The following TBCD variants were observed in gnomAD, a reference collection of about 807,000 sequenced individuals.
TBCD encodes tubulin-specific chaperone D.
TBCD carries 105 observed loss-of-function variants against 169.3 expected under a neutral mutation model. That is an observed-to-expected ratio of 0.62 (90% confidence interval 0.53 to 0.73). TBCD has a LOEUF of 0.73. Ranked by LOEUF, TBCD falls within the 30% of genes least tolerant of loss-of-function variation. The pLI, the probability that TBCD is intolerant of heterozygous loss-of-function variation, is 0.00. For synonymous variants in TBCD, 700 were observed against 643.9 expected (o/e 1.09, Z -1.32); for missense variants, 1,444 against 1,600.1 (o/e 0.90, Z 1.66).
intron 13 of TBCD, among the ~76,000 whole-genome samples, chr17:82,820,144 A>AT (rs577875808): frequency 1.9e-3 from 289 of 151,934 alleles, no homozygotes; most frequent in African/African-American, 6.2e-3. Flanking sequence ...TGCCCAGCCA[A>AT]TTTTTTTATT....
chr17:82,780,256 C>A (rs932695902), intron 6 of TBCD, among the ~76,000 whole-genome samples: 7 of 152,200 alleles, frequency 4.6e-5, no homozygotes, highest in Admixed American at 4.6e-4. Flanking sequence ...CCGTGGCTTC[C>A]GTCCTCTCTC....
At chr17:82,771,094 C>T (rs953817132) in intron 5 of TBCD, among the ~76,000 whole-genome samples, 8 of 147,024 alleles carry the variant, frequency 5.4e-5, no homozygotes, top group Non-Finnish European at 1.0e-4. Flanking sequence ...AAAAGATCTT[C>T]TAAGTGTATC....
rs2147693542 is a variant in TBCD at position 82,942,536 on chromosome 17, A to C, written c.*73A>C. ...TGTTCCTGAGGGAGGCCGGTGTGGA[A>C]AGCCTCGCACAGTGGTGCCTCCAGC... On this transcript the variant is annotated 3_prime_UTR_variant, in exon 39 of 39. Coordinates refer to ENST00000355528, the MANE Select transcript of TBCD (RefSeq NM_005993.5). 1.2e-5 allele frequency: 19 copies of C among 1,605,354 alleles called. No individual in the cohort carries two copies. The highest frequency in any genetic ancestry group is 1.6e-5 in the Non-Finnish European group (19 of 1,172,806).
intron 9 of TBCD, among the ~76,000 whole-genome samples, chr17:82,805,279 G>A (rs1020066870): frequency 2.6e-5 from 4 of 152,230 alleles, no homozygotes; most frequent in Non-Finnish European, 4.4e-5. Context: ...GCAAGTAGGC[G>A]TAGAGCAGGC....
At position 82,887,194 on chromosome 17, in the gene TBCD, C is replaced by T. The variant is rs74000169; in HGVS notation, c.1534-2474C>T. 8.5e-3 allele frequency among the ~76,000 whole-genome samples: 1,232 copies of T among 145,500 alleles called. 14 individuals carry two copies. Among genetic ancestry groups the T allele is most frequent in the African/African-American group, 0.029 (1,126 of 38,334 alleles). On this transcript the variant is annotated intron_variant, in intron 15 of 38. Transcript: ENST00000355528. ...GCGCGCGCGCGCACGTGCGCTCACG[C>T]GTTTACTTCTGTGTGATTGTATCAC...
chr17:82,916,750 T>G (rs2061064327), intron 23 of TBCD, among the ~76,000 whole-genome samples: 1 of 152,174 alleles, frequency 6.6e-6, no homozygotes, highest in Non-Finnish European at 1.5e-5. Flanking sequence ...TACCGTGATA[T>G]TCCTAGAACA....
intron 12 of TBCD, among the ~76,000 whole-genome samples, chr17:82,812,604 G>T (rs1029305829): frequency 6.6e-6 from 1 of 152,170 alleles, no homozygotes; most frequent in African/African-American, 2.4e-5. Context: ...GAGTGCAGTG[G>T]CGCGGTCTTG....
chr17:82,810,609 C>A (rs1181905805), intron 12 of TBCD, among the ~76,000 whole-genome samples: 1 of 152,162 alleles, frequency 6.6e-6, no homozygotes, highest in Non-Finnish European at 1.5e-5. Context: ...GCAGTCCTGC[C>A]CTGGTGTGCT....
chr17:82,775,255 C>T (rs964646624), intron 6 of TBCD, among the ~76,000 whole-genome samples: 1 of 152,330 alleles, frequency 6.6e-6, no homozygotes, highest in Middle Eastern at 3.4e-3. Flanking sequence ...GCGTCGGTGC[C>T]GTGGAGCCTT....
rs764870262 is a variant in TBCD, at chr17:82,926,509, C to G, written c.2471+18C>G. On this transcript the variant is annotated intron_variant, in intron 28 of 38. Transcript: ENST00000355528. ...ATTGCGAGGTGAGTCCCAACAGTTCCTCCCTAAAGTCGTAAGTCTCTGAAA... is the reference window on the plus strand; with the variant it reads ...ATTGCGAGGTGAGTCCCAACAGTTCGTCCCTAAAGTCGTAAGTCTCTGAAA... 7 of 1,610,588 alleles carry G rather than the reference C, an allele frequency of 4.3e-6. No individual in the cohort carries two copies. In the South Asian group the frequency reaches 6.6e-5, roughly 15 times the overall value.
chr17:82,887,164 T>TGCGCGC (rs1555632294), intron 15 of TBCD, among the ~76,000 whole-genome samples: 14 of 104,458 alleles, frequency 1.3e-4, no homozygotes, highest in African/African-American at 2.3e-4. Flanking sequence ...TGTGTGTGTG[T>TGCGCGC]GTGTGCGCGC....
At chr17:82,804,832 G>A (rs1268324534) in intron 9 of TBCD, among the ~76,000 whole-genome samples, 1 of 152,196 alleles carries the variant, frequency 6.6e-6, no homozygotes. Flanking sequence ...GGGCTGTCTT[G>A]GAAACTGCCC....
intron 12 of TBCD, among the ~76,000 whole-genome samples, chr17:82,811,009 C>T (rs772663987): frequency 6.6e-6 from 1 of 152,222 alleles, no homozygotes; most frequent in Admixed American, 6.5e-5. Context: ...AATATTCTTC[C>T]AGTGGAAACA....
intron 14 of TBCD, among the ~76,000 whole-genome samples, chr17:82,871,931 G>A (rs9900369): frequency 0.25 from 35,856 of 146,058 alleles, 4,493 homozygotes; most frequent in East Asian, 0.45. Context: ...TGAGGCACAC[G>A]CTGGTAAGCA....
intron 2 of TBCD, among the ~76,000 whole-genome samples, 156 bp from the exon 3 acceptor site, chr17:82,763,809 A>T (rs531810805): frequency 6.6e-6 from 1 of 152,314 alleles, no homozygotes; most frequent in South Asian, 2.1e-4. Flanking sequence ...GTAGGATCAT[A>T]GCTCATTGCC....
At chr17:82,912,736 TGTC>T (rs2060736613) in intron 23 of TBCD, among the ~76,000 whole-genome samples, 1 of 152,242 alleles carries the variant, frequency 6.6e-6, no homozygotes, top group South Asian at 2.1e-4. Flanking sequence ...TTGTGCTTTC[TGTC>T]CACACCTCCC....
At chr17:82,808,502 G>GT (rs2051165072) in intron 11 of TBCD, among the ~76,000 whole-genome samples, 1 of 136,078 alleles carries the variant, frequency 7.3e-6, no homozygotes, top group African/African-American at 2.8e-5. Flanking sequence ...AGGTGCTGGG[G>GT]GGCGGGGAGG....
chr17:82,836,716 A>G (rs2054014346), intron 13 of TBCD, among the ~76,000 whole-genome samples: 1 of 151,672 alleles, frequency 6.6e-6, no homozygotes, highest in African/African-American at 2.4e-5. Context: ...AAACAAAACC[A>G]AAAAACAAAA....
intron 34 of TBCD, 68 bp downstream of exon 34, chr17:82,932,803 T>G: frequency 6.7e-7 from 1 of 1,491,394 alleles, no homozygotes; most frequent in South Asian, 1.2e-5. Context: ...AAAGAAAAAG[T>G]CATCAGACAC....
Sources: gnomAD v4.1 joint callset for allele counts (sites outside exome capture counted in the v4.1 genomes callset) on GRCh38, gnomAD v4.1.1 for gene constraint, MANE v1.5 for transcripts, NCBI Gene and HGNC (gene_info 2026-07-23, HGNC 2026-07-21) for gene names.